FBN1: variants seen among roughly 807,000 people sequenced by gnomAD.
FBN1 encodes fibrillin-1.
Under a neutral mutation model 365.1 loss-of-function variants are expected in FBN1, and 29 were observed. That is an observed-to-expected ratio of 0.08 (90% confidence interval 0.06 to 0.11). FBN1 has a LOEUF of 0.11. Ranked by LOEUF, FBN1 falls within the 10% of genes least tolerant of loss-of-function variation. FBN1 has a pLI of 1.00. For missense variants in FBN1, 2,476 were observed against 3,703.2 expected, an observed-to-expected ratio of 0.67 and a Z score of 8.60; for synonymous variants, 1,210 against 1,270.5, an observed-to-expected ratio of 0.95 and a Z score of 1.01.
chr15:48,612,224 T>C (rs1399741415), intron 3 of FBN1, among the ~76,000 whole-genome samples: 1 of 152,170 alleles, frequency 6.6e-6, no homozygotes, highest in African/African-American at 2.4e-5. Flanking sequence ...TATTGGCCAA[T>C]ATAGTCTATT....
chr15:48,558,814 G>A (rs1041531077), intron 6 of FBN1, among the ~76,000 whole-genome samples: 1 of 152,192 alleles, frequency 6.6e-6, no homozygotes, highest in Non-Finnish European at 1.5e-5. Context: ...TATCGTGGGA[G>A]TACCTATAGG....
chr15:48,545,723 C>A (rs1383757216), intron 6 of FBN1, among the ~76,000 whole-genome samples: 1 of 152,086 alleles, frequency 6.6e-6, no homozygotes, highest in African/African-American at 2.4e-5. Context: ...TACTTTAACA[C>A]AATAAAAAGA....
intron 64 of FBN1, among the ~76,000 whole-genome samples, chr15:48,414,297 T>C (rs1281039514): frequency 6.6e-6 from 1 of 152,212 alleles, no homozygotes. Context: ...AACATTCTTC[T>C]ACCTACCCAG....
chr15:48,504,284 T>C (rs2043690183), intron 16 of FBN1, among the ~76,000 whole-genome samples: 1 of 152,238 alleles, frequency 6.6e-6, no homozygotes, highest in Admixed American at 6.5e-5. Flanking sequence ...GAATTAATGA[T>C]GGATGAATGT....
intron 2 of FBN1, among the ~76,000 whole-genome samples, chr15:48,626,800 A>G (rs115058944): frequency 0.015 from 2,224 of 152,274 alleles, 52 homozygotes; most frequent in African/African-American, 0.051. Flanking sequence ...AAAATAGTCT[A>G]ATTTAAATTT....
In FBN1 at chr15:48,444,571, C is replaced by T. The variant is rs1413737899; in HGVS notation, c.6007G>A (p.Gly2003Arg). The T allele has an allele frequency of 1.1e-5, 17 of 1,613,436 alleles. No individual in the cohort carries two copies. Among genetic ancestry groups the T allele is most frequent in the Non-Finnish European group, 1.4e-5 (17 of 1,179,698 alleles). The change falls in exon 49 of 66, where the codon GGA becomes AGA. Residue 2003 changes from glycine to arginine, a missense_variant. Physicochemically the swap from Gly to Arg is moderately radical, Grantham distance 125. Transcript: ENST00000316623. ...DGSYRCICPP[G>R]YSLQNEKCED... Reference sequence around the variant, plus strand: ...CACTTCTCATTTTGAAGACTGTATCCAGGTGGGCAAATGCATCTGTAGGAC... The same window carrying T: ...CACTTCTCATTTTGAAGACTGTATCTAGGTGGGCAAATGCATCTGTAGGAC...
chr15:48,425,712 G>C (rs768742765), intron 59 of FBN1, 27 bp downstream of exon 59: 1 of 1,610,826 alleles, frequency 6.2e-7, no homozygotes. Flanking sequence ...TCCACTTGAG[G>C]ATAAGCCATC....
At chr15:48,605,447 A>G (rs1291747738) in intron 4 of FBN1, among the ~76,000 whole-genome samples, 1 of 152,238 alleles carries the variant, frequency 6.6e-6, no homozygotes, top group Non-Finnish European at 1.5e-5. Context: ...ATCCCATTAA[A>G]AATATTAAAA....
intron 12 of FBN1, among the ~76,000 whole-genome samples, chr15:48,515,115 G>A (rs1166370444): frequency 6.6e-6 from 1 of 152,124 alleles, no homozygotes; most frequent in Non-Finnish European, 1.5e-5. Context: ...ATGAGCTAAG[G>A]ACACAGGCAG....
At chr15:48,627,636 T>TA (rs34342562) in intron 2 of FBN1, among the ~76,000 whole-genome samples, 7 of 151,856 alleles carry the variant, frequency 4.6e-5, no homozygotes, top group African/African-American at 7.3e-5. Flanking sequence ...GATGATCTTC[T>TA]AAAAAAAACC....
intron 2 of FBN1, chr15:48,642,575 T>C (rs1244246491): frequency 6.6e-6 from 1 of 152,074 alleles, no homozygotes; most frequent in African/African-American, 2.4e-5. Flanking sequence ...GCCTAAAAGA[T>C]TTATAGAAAA....
intron 24 of FBN1, among the ~76,000 whole-genome samples, 176 bp from the exon 25 acceptor site, chr15:48,490,254 T>C (rs908626219): frequency 6.6e-6 from 1 of 152,190 alleles, no homozygotes; most frequent in South Asian, 2.1e-4. Context: ...TATCCTTGCC[T>C]AATAAAGACT....
intron 18 of FBN1, 40 bp downstream of exon 18, chr15:48,498,945 G>A (rs1356367515): frequency 5.0e-6 from 8 of 1,589,732 alleles, no homozygotes; most frequent in Non-Finnish European, 6.9e-6. Flanking sequence ...TGCTGCCTCT[G>A]CACATACTGA....
intron 24 of FBN1, 93 bp from the exon 25 acceptor site, chr15:48,490,171 T>C (rs1283009798): frequency 9.4e-7 from 1 of 1,066,230 alleles, no homozygotes; most frequent in Non-Finnish European, 1.4e-6. Context: ...ACTGCACACA[T>C]AATAATTTGC....
intron 6 of FBN1, among the ~76,000 whole-genome samples, chr15:48,581,279 C>G (rs2044390101): frequency 1.3e-5 from 2 of 152,144 alleles, no homozygotes. Context: ...AACTGCAAAT[C>G]TCCTGATACG....
At chr15:48,634,857 C>CCA (rs57811526) in intron 2 of FBN1, among the ~76,000 whole-genome samples, 3,358 of 69,114 alleles carry the variant, frequency 0.049, 98 homozygotes, top group Admixed American at 0.092. Flanking sequence ...AAAAAAAAAA[C>CCA]CACACACACA....
chr15:48,581,060 ACACCATCAACC>A (rs1362537484), intron 6 of FBN1, among the ~76,000 whole-genome samples: 5 of 152,170 alleles, frequency 3.3e-5, no homozygotes, highest in Non-Finnish European at 7.4e-5. Flanking sequence ...ATCATGCACT[ACACCATCAACC>A]CATGTCCTAT....
chr15:48,471,249 C>T (rs1351507280), intron 35 of FBN1, among the ~76,000 whole-genome samples: 4 of 152,124 alleles, frequency 2.6e-5, no homozygotes, highest in Admixed American at 6.6e-5. Context: ...AAACCGCACA[C>T]GCTTCTTCCA....
At chr15:48,459,729 C>G (rs1649240926) in intron 43 of FBN1, among the ~76,000 whole-genome samples, 1 of 152,240 alleles carries the variant, frequency 6.6e-6, no homozygotes, top group Non-Finnish European at 1.5e-5. Flanking sequence ...GTGTTCTCTG[C>G]TTCATTTACC....
Sources: gnomAD v4.1 joint callset for allele counts (sites outside exome capture counted in the v4.1 genomes callset) on GRCh38, gnomAD v4.1.1 for gene constraint, MANE v1.5 for transcripts, NCBI Gene and HGNC (gene_info 2026-07-23, HGNC 2026-07-21) for gene names.